The following HS3ST3A1 variants were observed in gnomAD, a reference collection of about 807,000 sequenced individuals.
HS3ST3A1 encodes heparan sulfate glucosamine 3-O-sulfotransferase 3A1.
A neutral mutation model predicts 25.7 loss-of-function variants in HS3ST3A1; 19 were observed. The observed-to-expected ratio is 0.74, with a 90% CI of 0.52 to 1.08. The LOEUF is 1.08. Among genes scored for constraint, HS3ST3A1 ranks in the 50% least tolerant of loss-of-function variants. The pLI is 0.00. For missense variants in HS3ST3A1, 459 were observed against 594.3 expected (o/e 0.77, Z 2.37); for synonymous variants, 226 against 278.6 (o/e 0.81, Z 1.88).
chr17:13,550,262 G>C (rs1012115969), intron 1 of HS3ST3A1, among the ~76,000 whole-genome samples: 1 of 152,098 alleles, frequency 6.6e-6, no homozygotes, highest in Admixed American at 6.5e-5. Flanking sequence ...AAGGTTCACT[G>C]GCTGTTCACC....
intron 1 of HS3ST3A1, among the ~76,000 whole-genome samples, chr17:13,502,994 C>G (rs576754959): frequency 6.6e-6 from 1 of 151,400 alleles, no homozygotes; most frequent in East Asian, 2.0e-4. Context: ...TCCTGGCCAA[C>G]ATGGTGAAAC....
intron 1 of HS3ST3A1, among the ~76,000 whole-genome samples, chr17:13,552,535 G>C (rs1003534177): frequency 6.6e-6 from 1 of 152,180 alleles, no homozygotes; most frequent in Non-Finnish European, 1.5e-5. Flanking sequence ...TTCAGAGGAG[G>C]CCGTTTCTGC....
intron 1 of HS3ST3A1, among the ~76,000 whole-genome samples, chr17:13,538,204 C>T (rs1225380940): frequency 6.6e-6 from 1 of 152,164 alleles, no homozygotes; most frequent in Admixed American, 6.5e-5. Flanking sequence ...ATGAAATTCA[C>T]CATGATATTG....
intron 1 of HS3ST3A1, among the ~76,000 whole-genome samples, chr17:13,513,338 T>TG (rs1905940269): frequency 6.6e-6 from 1 of 152,168 alleles, no homozygotes; most frequent in African/African-American, 2.4e-5. Context: ...TGCTAGGCTC[T>TG]GGGGGGAGCA....
intron 1 of HS3ST3A1, among the ~76,000 whole-genome samples, chr17:13,590,789 G>C (rs960148908): frequency 6.6e-6 from 1 of 152,090 alleles, no homozygotes; most frequent in Non-Finnish European, 1.5e-5. Flanking sequence ...GCTCTCATTG[G>C]GGGTATTAAC....
intron 1 of HS3ST3A1, among the ~76,000 whole-genome samples, chr17:13,518,231 A>G (rs1906117457): frequency 6.6e-6 from 1 of 152,202 alleles, no homozygotes; most frequent in Non-Finnish European, 1.5e-5. Flanking sequence ...AGCTTCTCAA[A>G]ACAGGAAATA....
chr17:13,497,843 T>C (rs1196540829), intron 1 of HS3ST3A1, among the ~76,000 whole-genome samples: 1 of 152,256 alleles, frequency 6.6e-6, no homozygotes, highest in Non-Finnish European at 1.5e-5. Flanking sequence ...GTATCTTTAA[T>C]CCTGATGATA....
At chr17:13,562,446 T>C (rs1907574618) in intron 1 of HS3ST3A1, among the ~76,000 whole-genome samples, 1 of 152,098 alleles carries the variant, frequency 6.6e-6, no homozygotes, top group Non-Finnish European at 1.5e-5. Context: ...AGTAACCCTA[T>C]CCAATTCCTG....
intron 1 of HS3ST3A1, among the ~76,000 whole-genome samples, chr17:13,566,492 C>T (rs780222098): frequency 9.2e-5 from 14 of 152,178 alleles, no homozygotes; most frequent in Non-Finnish European, 2.1e-4. Flanking sequence ...TTGCACCTCC[C>T]TCACTTTAAA....
At chr17:13,506,712 A>T (rs1567609461) in intron 1 of HS3ST3A1, among the ~76,000 whole-genome samples, 1 of 152,092 alleles carries the variant, frequency 6.6e-6, no homozygotes, top group Non-Finnish European at 1.5e-5. Flanking sequence ...GATGGAGGAG[A>T]CCCATGTCTA....
At chr17:13,592,328 A>G (rs1436778597) in intron 1 of HS3ST3A1, among the ~76,000 whole-genome samples, 2 of 152,222 alleles carry the variant, frequency 1.3e-5, no homozygotes, top group Non-Finnish European at 2.9e-5. Context: ...ATCAGACTAC[A>G]AGCAACAGAT....
chr17:13,582,099 A>C (rs1428765155), intron 1 of HS3ST3A1, among the ~76,000 whole-genome samples: 2 of 151,768 alleles, frequency 1.3e-5, no homozygotes, highest in Non-Finnish European at 2.9e-5. Flanking sequence ...AATGACAGGA[A>C]GTGTTCCTCC....
rs1227973327 is a variant in HS3ST3A1, at chr17:13,572,513, G to A, written c.599+28018C>T. Among the ~76,000 whole-genome samples, 4 of 152,178 alleles carry A rather than the reference G, an allele frequency of 2.6e-5. No individual in the cohort carries two copies. In the East Asian group the frequency reaches 7.7e-4, roughly 29 times the overall value. On this transcript the variant is annotated intron_variant, in intron 1 of 1. Transcript: ENST00000284110. The stretch of plus-strand genomic sequence containing the variant: ...CCCATGAAAAAAGGGCATCAAGGGA[G>A]GCCAGCAGAAAGTATGCGAGAGCTG...
At chr17:13,548,187 T>C (rs1305327981) in intron 1 of HS3ST3A1, among the ~76,000 whole-genome samples, 1 of 152,124 alleles carries the variant, frequency 6.6e-6, no homozygotes, top group Non-Finnish European at 1.5e-5. Flanking sequence ...ATACAACAAA[T>C]ATGTATTTCT....
chr17:13,513,023 T>C (rs1209490866), intron 1 of HS3ST3A1, among the ~76,000 whole-genome samples: 1 of 152,204 alleles, frequency 6.6e-6, no homozygotes, highest in South Asian at 2.1e-4. Flanking sequence ...GTTTATTAGC[T>C]TGATTCATAA....
chr17:13,535,094 A>G (rs913720882), intron 1 of HS3ST3A1, among the ~76,000 whole-genome samples: 2 of 152,190 alleles, frequency 1.3e-5, no homozygotes, highest in Non-Finnish European at 2.9e-5. Context: ...CAATGCTCCT[A>G]GAGGAAACAT....
At chr17:13,583,651 T>G (rs1908172530) in intron 1 of HS3ST3A1, among the ~76,000 whole-genome samples, 1 of 152,224 alleles carries the variant, frequency 6.6e-6, no homozygotes, top group Non-Finnish European at 1.5e-5. Context: ...AATACATTAA[T>G]TATTTGCAAT....
At position 13,521,856 on chromosome 17, in the gene HS3ST3A1, C is replaced by T. The variant is rs570681239; in HGVS notation, c.600-25038G>A. Reference sequence around the variant, plus strand: ...AGTTTCTCAACCCCAACACGACTGACGTTCCAGGATGGATAATTCTTTGTT... The same window carrying T: ...AGTTTCTCAACCCCAACACGACTGATGTTCCAGGATGGATAATTCTTTGTT... On this transcript the variant is annotated intron_variant, in intron 1 of 1. Coordinates refer to ENST00000284110, the MANE Select transcript of HS3ST3A1 (RefSeq NM_006042.3). Among the ~76,000 whole-genome samples the T allele has an allele frequency of 8.5e-4, 129 of 152,288 alleles. 1 individual carries two copies. The highest frequency in any genetic ancestry group is 1.3e-3 in the Non-Finnish European group (86 of 68,020).
chr17:13,594,352 G>A (rs761432835), intron 1 of HS3ST3A1, among the ~76,000 whole-genome samples: 2 of 152,098 alleles, frequency 1.3e-5, no homozygotes, highest in African/African-American at 4.8e-5. Context: ...GACTGCAGGC[G>A]CAGAAACGCC....
Sources: allele counts gnomAD v4.1 joint callset (sites outside exome capture counted in the v4.1 genomes callset), GRCh38; gene constraint gnomAD v4.1.1; transcripts MANE v1.5; gene names NCBI Gene and HGNC (gene_info 2026-07-23, HGNC 2026-07-21).